The following NOMO1 variants were observed in gnomAD, a reference collection of about 807,000 sequenced individuals.
The protein encoded by NOMO1 is nodal modulator 3.
In NOMO1, 40 loss-of-function variants were observed where a neutral mutation model predicts 133.8. The ratio of observed to expected loss-of-function variants is 0.30; its 90% confidence interval spans 0.23 to 0.39. The LOEUF (loss-of-function observed/expected upper bound fraction) is 0.39, where lower values mean the gene tolerates loss of function less well. Among genes scored for constraint, NOMO1 ranks in the 10% least tolerant of loss-of-function variants. The pLI is 1.00. For missense variants in NOMO1, 462 were observed against 1,419.9 expected (o/e 0.33, Z 10.84); for synonymous variants, 236 against 570.5 (o/e 0.41, Z 8.36).
At position 14,863,229 on chromosome 16, in the gene NOMO1, G is replaced by A. The variant is rs1222165167; in HGVS notation, c.1395+42G>A. 7 of 1,052,580 alleles carry A rather than the reference G, an allele frequency of 6.7e-6. No homozygotes were observed. The Middle Eastern group carries it at 9.5e-4, about 142-fold the overall frequency. The allele number at this position is 1,052,580 out of a possible 1,614,324, so 65.2% of individuals were successfully genotyped here. A position where few individuals can be genotyped will look rare whatever the true frequency, so the allele number is the denominator to read the frequency against. On this transcript the variant is annotated intron_variant, in intron 12 of 30. Coordinates refer to ENST00000287667, the MANE Select transcript of NOMO1 (RefSeq NM_014287.4). ...TAAATTTAAAATGTTTTGAGAAAAA[G>A]CAGTGATTTTTAGAAGGGTTATTAG...
intron 7 of NOMO1, chr16:14,853,033 G>GTC (rs1963783258): frequency 5.0e-6 from 1 of 201,598 alleles, no homozygotes; most frequent in Non-Finnish European, 9.7e-6. Flanking sequence ...AATATCATGT[G>GTC]TCTCTGTTGA....
chr16:14,888,977 T>A (rs1964367296), intron 28 of NOMO1, 119 bp from the exon 29 acceptor site: 1 of 1,472,210 alleles, frequency 6.8e-7, no homozygotes, highest in Non-Finnish European at 9.2e-7. Flanking sequence ...ATGTGTAGTC[T>A]TGGGGATTTC....
chr16:14,873,894 C>G (rs951823017), intron 18 of NOMO1, among the ~76,000 whole-genome samples: 5 of 151,682 alleles, frequency 3.3e-5, no homozygotes, highest in African/African-American at 1.2e-4. Context: ...GCAGCTCCCG[C>G]TTTCTCCTTG....
chr16:14,878,930 G>C, intron 23 of NOMO1, 96 bp downstream of exon 23: 1 of 1,546,644 alleles, frequency 6.5e-7, no homozygotes. Context: ...AACGTGAGAA[G>C]AGAAAGCCAA....
In NOMO1 at chr16:14,876,761, G is replaced by A; in HGVS notation, c.2614G>A (p.Ala872Thr). 3 of 1,610,724 alleles carry A rather than the reference G, an allele frequency of 1.9e-6. No individual in the cohort carries two copies. The highest frequency in any genetic ancestry group is 2.5e-6 in the Non-Finnish European group (3 of 1,179,712). Residue 872 changes from alanine to threonine, a missense_variant, in exon 22 of 31, where the codon GCC becomes ACC. By Grantham distance (58) the Ala-to-Thr change is moderately conservative (BLOSUM62 0). Transcript: ENST00000287667. The stretch of plus-strand genomic sequence containing the variant: ...GGAAGGAACCATCGGAGACTTCAAG[G>A]CCTATGCCCTGGCAGGCGTAAGCTT... ...AVEGTIGDFK[A>T]YALAGVSFEI...
intron 22 of NOMO1, among the ~76,000 whole-genome samples, chr16:14,878,283 C>T (rs1230300970): frequency 7.7e-6 from 1 of 130,670 alleles, no homozygotes; most frequent in Non-Finnish European, 1.6e-5. Context: ...TGCTTGAGCC[C>T]AGTAGTTTGA....
intron 26 of NOMO1, among the ~76,000 whole-genome samples, chr16:14,883,583 C>T (rs1390582234): frequency 2.0e-5 from 3 of 151,748 alleles, no homozygotes; most frequent in Admixed American, 6.6e-5. Flanking sequence ...CTGCTCGCTT[C>T]GGCCTCCCAA....
At chr16:14,847,826 A>G (rs919478029) in intron 5 of NOMO1, among the ~76,000 whole-genome samples, 1 of 151,994 alleles carries the variant, frequency 6.6e-6, no homozygotes, top group African/African-American at 2.4e-5. Flanking sequence ...TGTTGAAACT[A>G]GTTTTCATTT....
At chr16:14,840,816 C>T (rs2151892333) in intron 2 of NOMO1, among the ~76,000 whole-genome samples, 1 of 144,616 alleles carries the variant, frequency 6.9e-6, no homozygotes, top group East Asian at 2.1e-4. Context: ...CGCCTGCCAC[C>T]ACACCCAGCT....
At chr16:14,884,318 A>C (rs1365250050) in intron 26 of NOMO1, 54 bp from the exon 27 acceptor site, 30 of 1,173,720 alleles carry the variant, frequency 2.6e-5, no homozygotes, top group Non-Finnish European at 1.4e-5. Flanking sequence ...CAGCTGGCAT[A>C]GAAGTTCCTC....
chr16:14,887,159 G>A (rs1461583520), intron 28 of NOMO1, among the ~76,000 whole-genome samples: 4 of 152,044 alleles, frequency 2.6e-5, no homozygotes, highest in Non-Finnish European at 4.4e-5. Context: ...TTTCAGGCAC[G>A]TGTGCGCATG....
At chr16:14,893,299 G>A (rs1384710018) in intron 29 of NOMO1, among the ~76,000 whole-genome samples, 2 of 151,808 alleles carry the variant, frequency 1.3e-5, no homozygotes, top group Non-Finnish European at 2.9e-5. Flanking sequence ...GGGTTCAAGT[G>A]ATTCTCACCT....
At chr16:14,883,998 G>A (rs190905405) in intron 26 of NOMO1, among the ~76,000 whole-genome samples, 4 of 146,556 alleles carry the variant, frequency 2.7e-5, no homozygotes, top group African/African-American at 1.0e-4. Context: ...CTGTGCTTTC[G>A]AAATGAAATG....
At chr16:14,859,617 C>T (rs1381548967) in intron 11 of NOMO1, among the ~76,000 whole-genome samples, 2 of 151,894 alleles carry the variant, frequency 1.3e-5, no homozygotes, top group East Asian at 3.9e-4. Context: ...GAGTTTGAGA[C>T]CAGCCTGGGC....
At position 14,868,572 on chromosome 16, in the gene NOMO1, C is replaced by T. The variant is rs570730245; in HGVS notation, c.1831C>T (p.Arg611Cys). The change falls in exon 16 of 31, where the codon CGT becomes TGT. Residue 611 changes from arginine to cysteine, a missense_variant. Physicochemically the swap from Arg to Cys is radical, Grantham distance 180. Transcript: ENST00000287667. The stretch of plus-strand genomic sequence containing the variant: ...GGAATTTTATCAGGATGGAAATGGG[C>T]GTGAGAATGTGGGGATTTATAACCT... ...TLEFYQDGNGRENVGIYNLSK... is the reference protein window; with the variant it reads ...TLEFYQDGNGCENVGIYNLSK... 31 of 1,611,336 alleles carry T rather than the reference C, an allele frequency of 1.9e-5. 1 individual carries two copies. The highest frequency in any genetic ancestry group is 1.6e-4 in the East Asian group (7 of 44,842).
At chr16:14,856,690 G>A (rs1191643155) in intron 9 of NOMO1, among the ~76,000 whole-genome samples, 2 of 151,986 alleles carry the variant, frequency 1.3e-5, no homozygotes, top group Non-Finnish European at 2.9e-5. Flanking sequence ...GGGATTACAG[G>A]CGTGAACCAC....
At chr16:14,869,778 T>C (rs1258818688) in intron 16 of NOMO1, among the ~76,000 whole-genome samples, 1 of 151,710 alleles carries the variant, frequency 6.6e-6, no homozygotes, top group Non-Finnish European at 1.5e-5. Flanking sequence ...ATTGCTGCAT[T>C]GTGTGATAAG....
At chr16:14,879,103 T>C (rs1280908166) in intron 23 of NOMO1, among the ~76,000 whole-genome samples, 3 of 152,040 alleles carry the variant, frequency 2.0e-5, no homozygotes, top group Non-Finnish European at 4.4e-5. Context: ...CCACAACGGC[T>C]GCTCTCTTAG....
chr16:14,880,721 T>C (rs1197995630), intron 24 of NOMO1, among the ~76,000 whole-genome samples: 7 of 152,184 alleles, frequency 4.6e-5, no homozygotes, highest in African/African-American at 1.4e-4. Context: ...TGAATTAAAT[T>C]ATTAAAAGGA....
Sources: gnomAD v4.1 joint callset for allele counts (sites outside exome capture counted in the v4.1 genomes callset) on GRCh38, gnomAD v4.1.1 for gene constraint, MANE v1.5 for transcripts, NCBI Gene and HGNC (gene_info 2026-07-23, HGNC 2026-07-21) for gene names.